The following CBR4 variants were observed in gnomAD, a reference collection of about 807,000 sequenced individuals.
CBR4 encodes the protein carbonyl reductase 4.
A neutral mutation model predicts 21.0 loss-of-function variants in CBR4; 22 were observed. The ratio of observed to expected loss-of-function variants is 1.05; its 90% CI spans 0.75 to 1.50. The LOEUF (loss-of-function observed/expected upper bound fraction) is 1.50, where lower values mean the gene tolerates loss of function less well. Ranked by LOEUF, CBR4 falls within the 40% of genes most tolerant of loss-of-function variation. The pLI is 0.00. For synonymous variants in CBR4, 100 were observed against 104.4 expected, an observed-to-expected ratio of 0.96 and a Z score of 0.26; for missense variants, 302 against 286.3, an observed-to-expected ratio of 1.05 and a Z score of -0.40.
intron 2 of CBR4, among the ~76,000 whole-genome samples, chr4:168,898,967 T>C (rs1312235397): frequency 6.6e-6 from 1 of 152,184 alleles, no homozygotes; most frequent in African/African-American, 2.4e-5. Context: ...CACACCTATA[T>C]CATTTATTCC....
At chr4:168,991,730 T>C (rs1764935364) in intron 4 of CBR4, among the ~76,000 whole-genome samples, 1 of 152,184 alleles carries the variant, frequency 6.6e-6, no homozygotes, top group Non-Finnish European at 1.5e-5. Context: ...GCTTAGCCCA[T>C]ATAATCAGTA....
chr4:168,926,747 A>G (rs745743529), intron 2 of CBR4: 20 of 257,502 alleles, frequency 7.8e-5, no homozygotes, highest in Non-Finnish European at 1.1e-4. Context: ...GTGTAGCCTG[A>G]TAGTGTGAAA....
Position 169,007,711 on chromosome 4 carries a change from A to G in CBR4, c.188T>C (p.Val63Ala). Reference protein sequence around the residue: ...FSCDVAKEHDVQNTFEELEKH... With the variant: ...FSCDVAKEHDAQNTFEELEKH... ...CTCCAGCTCTTCAAATGTATTTTGA[A>G]CATCATGTTCTTTAGCAACATCACA... is the stretch of plus-strand genomic sequence containing the variant. Residue 63 changes from valine (V) to alanine (A), a missense_variant, in exon 2 of 5, where the codon GTT becomes GCT. Physicochemically the swap from Val to Ala is moderately conservative, Grantham distance 64. Transcript: ENST00000306193. 6.3e-7 allele frequency: 1 copy of G among 1,595,352 alleles called. No homozygotes were observed.
At chr4:168,921,408 A>C in intron 2 of CBR4, 2 of 177,696 alleles carry the variant, frequency 1.1e-5, no homozygotes, top group South Asian at 1.7e-4. Flanking sequence ...ACTCTGTCCA[A>C]AAAAAAAAAA....
intron 2 of CBR4, among the ~76,000 whole-genome samples, chr4:168,918,876 A>G (rs546136375): frequency 4.6e-5 from 7 of 152,334 alleles, no homozygotes; most frequent in Non-Finnish European, 7.3e-5. Flanking sequence ...TATTTTAAAT[A>G]GATAATTAGA....
chr4:168,906,761 A>G (rs1296750336), intron 2 of CBR4, among the ~76,000 whole-genome samples: 1 of 152,196 alleles, frequency 6.6e-6, no homozygotes, highest in East Asian at 1.9e-4. Context: ...AAGCACTGGA[A>G]TTACAAGCGT....
In CBR4 at chr4:168,949,267, G is replaced by A. The variant is rs145025316; in HGVS notation, n.169+52804C>T. Reference sequence around the variant, plus strand: ...TTATCAGTTCTGGGAGCTTTCTGGAGGAGTCTTCAGGGTTTTCGAGGTAAA... The same window carrying A: ...TTATCAGTTCTGGGAGCTTTCTGGAAGAGTCTTCAGGGTTTTCGAGGTAAA... On this transcript the variant is annotated intron_variant and non_coding_transcript_variant, in intron 2 of 3. Coordinates refer to the CBR4 transcript ENST00000509108. 2.8e-3 allele frequency among the ~76,000 whole-genome samples: 419 copies of A among 152,280 alleles called. 5 individuals are homozygous for A. Among genetic ancestry groups the A allele is most frequent in the African/African-American group, 9.8e-3 (407 of 41,574 alleles).
chr4:168,933,932 T>A (rs1163639693), intron 2 of CBR4, among the ~76,000 whole-genome samples: 1 of 151,992 alleles, frequency 6.6e-6, no homozygotes, highest in African/African-American at 2.4e-5. Flanking sequence ...AAGGAAGAAA[T>A]TAAGAAGTAA....
rs1730476440 is a variant in CBR4, at chr4:169,001,910, G to A, written c.535+161C>T. ...ACATAGACTTTATATAGAATATGAG[G>A]TACAAAAAATTTTTTTGAGTCCCCC... is the stretch of plus-strand genomic sequence containing the variant. On this transcript the variant is annotated intron_variant, in intron 4 of 4. Transcript: ENST00000306193. 7 of 563,554 alleles carry A rather than the reference G, an allele frequency of 1.2e-5. No individual in the cohort carries two copies. In the East Asian group the frequency reaches 2.0e-4, roughly 16 times the overall value. 34.9% of individuals were successfully genotyped at this position (563,554 alleles called of 1,614,324 possible).
chr4:168,904,287 T>C (rs768254069), intron 2 of CBR4: 2 of 217,028 alleles, frequency 9.2e-6, no homozygotes, highest in Non-Finnish European at 1.9e-5. Context: ...GTGAGTGGCA[T>C]GCATAGGCTG....
intron 4 of CBR4, among the ~76,000 whole-genome samples, chr4:168,998,381 A>AC (rs1560987930): frequency 6.6e-6 from 1 of 152,200 alleles, no homozygotes; most frequent in African/African-American, 2.4e-5. Flanking sequence ...TTTAAAACAA[A>AC]CATCATTTTC....
At chr4:168,903,600 T>C (rs1464632188) in intron 2 of CBR4, among the ~76,000 whole-genome samples, 1 of 152,254 alleles carries the variant, frequency 6.6e-6, no homozygotes, top group East Asian at 1.9e-4. Context: ...CTGCCTTTTT[T>C]CAGTGAAAAA....
At chr4:169,000,701 TTG>T in intron 4 of CBR4, among the ~76,000 whole-genome samples, 1 of 152,330 alleles carries the variant, frequency 6.6e-6, no homozygotes, top group African/African-American at 2.4e-5. Flanking sequence ...ATAAAAACAC[TTG>T]TGTTACTCAA....
chr4:168,954,545 A>G (rs910475268), intron 2 of CBR4, among the ~76,000 whole-genome samples: 4 of 152,220 alleles, frequency 2.6e-5, no homozygotes, highest in African/African-American at 9.7e-5. Context: ...AATGGCAATT[A>G]AATTTCAACA....
Position 168,988,536 on chromosome 4 carries a change from T to C in CBR4, c.*1614A>G. ...GCAATTGAGACAGCATTAGAGAAAC[T>C]ATCTACTATGTCTGAATAAGCTCCC... On this transcript the variant is annotated 3_prime_UTR_variant, in exon 5 of 5. Transcript: ENST00000306193. The C allele has an allele frequency of 5.1e-6, 5 of 985,364 alleles. No homozygotes were observed. Among genetic ancestry groups the C allele is most frequent in the Non-Finnish European group, 4.8e-6 (4 of 829,902 alleles). The allele number at this position is 985,364 out of a possible 1,614,324, so 61.0% of individuals were successfully genotyped here.
chr4:168,996,828 C>T (rs1765227560), intron 4 of CBR4, among the ~76,000 whole-genome samples: 1 of 152,132 alleles, frequency 6.6e-6, no homozygotes, highest in African/African-American at 2.4e-5. Flanking sequence ...ATGGAACTTC[C>T]ATGTCATTTT....
At chr4:168,895,213 C>T (rs1754848792) in intron 2 of CBR4, among the ~76,000 whole-genome samples, 1 of 152,084 alleles carries the variant, frequency 6.6e-6, no homozygotes, top group Admixed American at 6.6e-5. Context: ...GAAACCCCGT[C>T]TCTACTAAAA....
chr4:168,944,381 G>A (rs951387570), intron 2 of CBR4, among the ~76,000 whole-genome samples: 6 of 152,000 alleles, frequency 3.9e-5, no homozygotes, highest in African/African-American at 1.4e-4. Flanking sequence ...AGGAGGCTAT[G>A]GCAGAAGGAT....
intron 2 of CBR4, among the ~76,000 whole-genome samples, chr4:168,958,475 T>C (rs1172462461): frequency 6.6e-6 from 1 of 152,248 alleles, no homozygotes; most frequent in African/African-American, 2.4e-5. Context: ...TATTAATGAA[T>C]ATGTGGATTG....
Sources: gnomAD v4.1 joint callset for allele counts (sites outside exome capture counted in the v4.1 genomes callset) on GRCh38, gnomAD v4.1.1 for gene constraint, MANE v1.5 for transcripts, NCBI Gene and HGNC (gene_info 2026-07-23, HGNC 2026-07-21) for gene names.